Variants in CUL3 observed in about 807,000 individuals in gnomAD.
The protein encoded by CUL3 is cullin-3.
In CUL3, 19 loss-of-function variants were observed where a neutral mutation model predicts 89.1. The ratio of observed to expected loss-of-function variants is 0.21; its 90% CI spans 0.15 to 0.31. CUL3 has a LOEUF of 0.31. Among genes scored for constraint, CUL3 ranks in the 10% least tolerant of loss-of-function variants. CUL3 has a pLI of 1.00. For missense variants in CUL3, 469 were observed against 942.3 expected, an observed-to-expected ratio of 0.50 and a Z score of 6.58; for synonymous variants, 351 against 308.4, an observed-to-expected ratio of 1.14 and a Z score of -1.45.
intron 2 of CUL3, among the ~76,000 whole-genome samples, chr2:224,540,960 A>G (rs2106274495): frequency 6.6e-6 from 1 of 152,346 alleles, no homozygotes; most frequent in South Asian, 2.1e-4. Flanking sequence ...TTTAGAAGAA[A>G]AATACCTAGC....
intron 13 of CUL3, among the ~76,000 whole-genome samples, chr2:224,484,749 T>A (rs1041399182): frequency 2.6e-5 from 4 of 152,210 alleles, no homozygotes; most frequent in Non-Finnish European, 4.4e-5. Context: ...ATGTGATCCA[T>A]GGAATTGAGG....
rs999025677 is a variant in CUL3, at chr2:224,574,930, C to T, written c.66+10014G>A. On this transcript the variant is annotated intron_variant, in intron 1 of 15. Transcript: ENST00000264414. ...ATCAAAGTCATAAAAAAGACTGAGG[C>T]CTCCTCAAGAAAATTATGCTCTAAA... Among the ~76,000 whole-genome samples the T allele has an allele frequency of 5.3e-5, 8 of 152,218 alleles. No individual in the cohort carries two copies. In the South Asian group the frequency reaches 1.2e-3, roughly 24 times the overall value.
chr2:224,559,973 T>G (rs1021737225), intron 1 of CUL3, among the ~76,000 whole-genome samples: 3 of 152,038 alleles, frequency 2.0e-5, no homozygotes, highest in African/African-American at 7.3e-5. Flanking sequence ...TCCCAGCTCC[T>G]TAGTGGGGCT....
At chr2:224,514,827 T>C (rs1437824939) in intron 3 of CUL3, 55 bp from the exon 4 acceptor site, 28 of 1,243,758 alleles carry the variant, frequency 2.3e-5, no homozygotes, top group Admixed American at 3.9e-5. Context: ...TAATAATTAT[T>C]GTGTGCTACA....
chr2:224,518,542 A>G (rs779431526), intron 3 of CUL3, among the ~76,000 whole-genome samples: 1 of 152,206 alleles, frequency 6.6e-6, no homozygotes, highest in Non-Finnish European at 1.5e-5. Flanking sequence ...AGGGGGATCT[A>G]TCACTTATGG....
chr2:224,515,298 AGATT>A (rs1281561277), intron 3 of CUL3, among the ~76,000 whole-genome samples: 7 of 152,268 alleles, frequency 4.6e-5, no homozygotes, highest in South Asian at 2.1e-4. Flanking sequence ...CACTTCAAAC[AGATT>A]ATTACTTTCA....
intron 3 of CUL3, among the ~76,000 whole-genome samples, chr2:224,534,313 A>G (rs1693802626): frequency 6.6e-6 from 1 of 152,238 alleles, no homozygotes; most frequent in South Asian, 2.1e-4. Flanking sequence ...AAATACAGCA[A>G]TAGCCGGTGA....
chr2:224,570,030 C>T (rs1695148293), intron 1 of CUL3, among the ~76,000 whole-genome samples: 1 of 142,520 alleles, frequency 7.0e-6, no homozygotes, highest in Non-Finnish European at 1.5e-5. Flanking sequence ...TCTGATACAA[C>T]TAAACTATTA....
At chr2:224,513,714 G>C (rs1692927364) in intron 4 of CUL3, 76 bp from the exon 5 acceptor site, 1 of 1,006,526 alleles carries the variant, frequency 9.9e-7, no homozygotes, top group Non-Finnish European at 1.5e-6. Context: ...AAAAGGAGTA[G>C]GTAAAAATAT....
intron 1 of CUL3, among the ~76,000 whole-genome samples, chr2:224,562,359 C>T (rs1694929400): frequency 6.6e-6 from 1 of 151,948 alleles, no homozygotes; most frequent in Non-Finnish European, 1.5e-5. Context: ...GAAGAAGAGC[C>T]AGGCACAGTG....
intron 1 of CUL3, among the ~76,000 whole-genome samples, chr2:224,581,508 CTTTTTT>C (rs1260830752): frequency 1.4e-5 from 2 of 138,848 alleles, no homozygotes; most frequent in East Asian, 2.1e-4. Flanking sequence ...TTTTTCTTTT[CTTTTTT>C]TTTTTTTTGA....
chr2:224,529,788 G>C (rs1163010592), intron 3 of CUL3, among the ~76,000 whole-genome samples: 1 of 152,068 alleles, frequency 6.6e-6, no homozygotes, highest in Non-Finnish European at 1.5e-5. Flanking sequence ...GTTGATTTTT[G>C]CAACACCGAA....
intron 2 of CUL3, among the ~76,000 whole-genome samples, chr2:224,539,992 G>C (rs992556996): frequency 1.3e-5 from 2 of 152,090 alleles, no homozygotes; most frequent in South Asian, 2.1e-4. Flanking sequence ...TGCATACAGG[G>C]GGGGAGGCTG....
At chr2:224,523,097 A>G (rs1693329523) in intron 3 of CUL3, among the ~76,000 whole-genome samples, 1 of 152,236 alleles carries the variant, frequency 6.6e-6, no homozygotes, top group Non-Finnish European at 1.5e-5. Context: ...TTATAAGACT[A>G]TCTTTCAGGA....
intron 1 of CUL3, among the ~76,000 whole-genome samples, chr2:224,573,257 A>G (rs1695224117): frequency 6.6e-6 from 1 of 152,218 alleles, no homozygotes; most frequent in Non-Finnish European, 1.5e-5. Context: ...ACTTTTTGCT[A>G]AGTATATACT....
At chr2:224,506,834 A>T (rs758238252) in intron 7 of CUL3, 24 bp downstream of exon 7, 74 of 1,609,538 alleles carry the variant, frequency 4.6e-5, no homozygotes, top group Non-Finnish European at 5.9e-5. Context: ...TCATAAACAC[A>T]GAGAATCTTC....
intron 13 of CUL3, among the ~76,000 whole-genome samples, chr2:224,492,729 C>T (rs970084954): frequency 5.9e-5 from 9 of 152,186 alleles, no homozygotes; most frequent in African/African-American, 2.2e-4. Context: ...TTGTAGCCAG[C>T]TTCTATGACA....
chr2:224,487,440 C>CA (rs1461673704), intron 13 of CUL3, among the ~76,000 whole-genome samples: 6 of 99,350 alleles, frequency 6.0e-5, no homozygotes, highest in African/African-American at 9.1e-5. Context: ...AGCCCGCCCC[C>CA]CCCAAAAAAA....
chr2:224,511,282 T>C (rs1010981767), intron 6 of CUL3, 72 bp downstream of exon 6: 5 of 1,116,694 alleles, frequency 4.5e-6, no homozygotes, highest in Non-Finnish European at 5.1e-6. Context: ...TCTGCTTTAA[T>C]TGTAGGAAAA....
Sources: gnomAD v4.1 joint callset for allele counts (sites outside exome capture counted in the v4.1 genomes callset) on GRCh38, gnomAD v4.1.1 for gene constraint, MANE v1.5 for transcripts, NCBI Gene and HGNC (gene_info 2026-07-23, HGNC 2026-07-21) for gene names.